Variants in POU6F2 observed in about 807,000 individuals in gnomAD.
POU6F2 encodes the protein POU class 6 homeobox 2.
POU6F2 carries 31 observed loss-of-function variants against 71.3 expected under a neutral mutation model. The observed-to-expected ratio is 0.43, with a 90% CI of 0.33 to 0.59. The LOEUF (loss-of-function observed/expected upper bound fraction) is 0.59. Among genes scored for constraint, POU6F2 ranks in the 20% least tolerant of loss-of-function variants. The pLI, the probability that POU6F2 is intolerant of heterozygous loss-of-function variation, is 0.04. For synonymous variants in POU6F2, 347 were observed against 355.7 expected (o/e 0.98, Z 0.27); for missense variants, 783 against 856.8 (o/e 0.91, Z 1.07).
chr7:39,011,850 C>T (rs199939764), intron 1 of POU6F2, among the ~76,000 whole-genome samples: 26,926 of 148,792 alleles, frequency 0.18, 2,559 homozygotes, highest in South Asian at 0.33. Flanking sequence ...TGAATATTGG[C>T]CCCCACTCTC....
intron 2 of POU6F2, among the ~76,000 whole-genome samples, chr7:39,150,113 G>A (rs546678059): frequency 6.6e-6 from 1 of 151,934 alleles, no homozygotes; most frequent in Non-Finnish European, 1.5e-5. Flanking sequence ...TCTCAATCTC[G>A]ATCTCCTGAC....
At chr7:39,009,638 A>G (rs1272507897) in intron 1 of POU6F2, among the ~76,000 whole-genome samples, 1 of 152,224 alleles carries the variant, frequency 6.6e-6, no homozygotes, top group Non-Finnish European at 1.5e-5. Context: ...TTGCCCACTC[A>G]GTATGATATT....
chr7:39,052,834 G>T (rs1195762741), intron 1 of POU6F2, among the ~76,000 whole-genome samples: 1 of 152,142 alleles, frequency 6.6e-6, no homozygotes, highest in Admixed American at 6.5e-5. Context: ...GGGGTGCTCA[G>T]TGTGTGCCAG....
chr7:39,023,333 T>C (rs2128707131), intron 1 of POU6F2, among the ~76,000 whole-genome samples: 2 of 152,182 alleles, frequency 1.3e-5, no homozygotes, highest in Non-Finnish European at 2.9e-5. Flanking sequence ...ATTTTAATTT[T>C]GATAACATTC....
chr7:39,316,576 C>T (rs1488591894), intron 4 of POU6F2, among the ~76,000 whole-genome samples: 1 of 152,102 alleles, frequency 6.6e-6, no homozygotes, highest in African/African-American at 2.4e-5. Context: ...CCCAGCAGTC[C>T]CCATGCTTGC....
At chr7:39,405,039 A>G (rs1787391874) in intron 5 of POU6F2, 1 of 152,164 alleles carries the variant, frequency 6.6e-6, no homozygotes, top group Non-Finnish European at 1.5e-5. Context: ...CTTTTAGGAG[A>G]GAGATAAAGG....
At chr7:39,319,601 C>A (rs1187758658) in intron 4 of POU6F2, among the ~76,000 whole-genome samples, 1 of 152,278 alleles carries the variant, frequency 6.6e-6, no homozygotes, top group South Asian at 2.1e-4. Flanking sequence ...CATCCAGCCC[C>A]GAGGAAATTC....
chr7:39,125,742 G>GT (rs1792127567), intron 2 of POU6F2, among the ~76,000 whole-genome samples: 5 of 143,464 alleles, frequency 3.5e-5, no homozygotes, highest in African/African-American at 1.3e-4. Flanking sequence ...ATATACATTT[G>GT]TTAAAAAAAA....
At chr7:39,076,197 C>A (rs1191415469) in intron 1 of POU6F2, among the ~76,000 whole-genome samples, 1 of 151,832 alleles carries the variant, frequency 6.6e-6, no homozygotes, top group East Asian at 1.9e-4. Context: ...CCTTCTCTTC[C>A]TTTCCTTTCC....
intron 1 of POU6F2, among the ~76,000 whole-genome samples, chr7:39,003,641 C>G (rs1040527399): frequency 2.0e-5 from 3 of 150,436 alleles, no homozygotes; most frequent in African/African-American, 7.3e-5. Context: ...CCCAGCTACT[C>G]GGGAGGCTGA....
At chr7:39,448,193 A>C (rs773515026) in intron 7 of POU6F2, among the ~76,000 whole-genome samples, 1 of 152,188 alleles carries the variant, frequency 6.6e-6, no homozygotes, top group African/African-American at 2.4e-5. Context: ...TTTTCTAAGG[A>C]AAGACGTTAT....
intron 1 of POU6F2, among the ~76,000 whole-genome samples, chr7:39,075,880 T>C (rs776519470): frequency 1.3e-5 from 2 of 152,210 alleles, no homozygotes; most frequent in African/African-American, 2.4e-5. Flanking sequence ...CCATTCAACT[T>C]CAGTCCTGGG....
At chr7:39,015,906 T>TGTA (rs1562670877) in intron 1 of POU6F2, among the ~76,000 whole-genome samples, 60 of 54,406 alleles carry the variant, frequency 1.1e-3, no homozygotes, top group East Asian at 2.6e-3. Context: ...TATAGATATA[T>TGTA]ATTATATATT....
At chr7:39,100,806 G>C (rs1037268713) in intron 2 of POU6F2, among the ~76,000 whole-genome samples, 1 of 152,046 alleles carries the variant, frequency 6.6e-6, no homozygotes, top group Non-Finnish European at 1.5e-5. Context: ...TTTTGTCATT[G>C]GGTAACCAAA....
At chr7:39,108,122 C>T in intron 2 of POU6F2, among the ~76,000 whole-genome samples, 1 of 152,148 alleles carries the variant, frequency 6.6e-6, no homozygotes, top group East Asian at 1.9e-4. Context: ...ACATGGGATC[C>T]TCATCTGTAA....
intron 2 of POU6F2, among the ~76,000 whole-genome samples, chr7:39,185,498 G>A (rs543560894): frequency 8.5e-5 from 13 of 152,210 alleles, no homozygotes; most frequent in South Asian, 6.2e-4. Context: ...CAAAGCCTAC[G>A]TCTCAAAGAA....
chr7:39,235,895 A>G (rs1052649664), intron 4 of POU6F2, among the ~76,000 whole-genome samples: 2 of 152,118 alleles, frequency 1.3e-5, no homozygotes, highest in Non-Finnish European at 2.9e-5. Context: ...CTTCTTTCCA[A>G]TCGAGAGCAT....
intron 5 of POU6F2, chr7:39,406,283 C>T: frequency 3.0e-6 from 1 of 332,778 alleles, no homozygotes; most frequent in Admixed American, 4.3e-5. Context: ...GTCTAGAGGG[C>T]TTCTGCGAAA....
chr7:39,425,946 A>T (rs1787960234), intron 6 of POU6F2, among the ~76,000 whole-genome samples: 1 of 152,186 alleles, frequency 6.6e-6, no homozygotes, highest in Admixed American at 6.5e-5. Flanking sequence ...TGGGTATCTC[A>T]GGTAACACAA....
Sources: gnomAD v4.1 joint callset for allele counts (sites outside exome capture counted in the v4.1 genomes callset) on GRCh38, gnomAD v4.1.1 for gene constraint, MANE v1.5 for transcripts, NCBI Gene and HGNC (gene_info 2026-07-23, HGNC 2026-07-21) for gene names.